Variants in TOMM70 observed in about 807,000 individuals in gnomAD.
TOMM70 encodes translocase of outer mitochondrial membrane 70.
Under a neutral mutation model 73.6 loss-of-function variants are expected in TOMM70, and 13 were observed. The ratio of observed to expected loss-of-function variants is 0.18; its 90% CI spans 0.11 to 0.28. The LOEUF is 0.28. TOMM70 is among the 10% of genes least tolerant of loss of function. The pLI is 1.00. For missense variants in TOMM70, 609 were observed against 747.5 expected (o/e 0.81, Z 2.16); for synonymous variants, 257 against 271.2 (o/e 0.95, Z 0.51).
chr3:100,369,467 T>C (rs1210315785), intron 9 of TOMM70, among the ~76,000 whole-genome samples: 1 of 152,038 alleles, frequency 6.6e-6, no homozygotes, highest in African/African-American at 2.4e-5. Flanking sequence ...ACATCACTTA[T>C]TCATAATTTA....
chr3:100,372,743 C>T (rs1706524825), intron 8 of TOMM70, 21 bp from the exon 9 acceptor site: 3 of 1,581,626 alleles, frequency 1.9e-6, no homozygotes, highest in Non-Finnish European at 2.6e-6. Flanking sequence ...TCAAAACAGG[C>T]CTGTCAAATC....
intron 8 of TOMM70, 59 bp downstream of exon 8, chr3:100,373,479 T>C: frequency 7.3e-7 from 1 of 1,377,524 alleles, no homozygotes; most frequent in Non-Finnish European, 1.0e-6. Context: ...TACTCATTTT[T>C]GTTGACGCTG....
chr3:100,399,931 G>A (rs562921310), intron 1 of TOMM70, among the ~76,000 whole-genome samples: 2 of 152,182 alleles, frequency 1.3e-5, no homozygotes, highest in South Asian at 2.1e-4. Flanking sequence ...GGGCATGGCA[G>A]GAGAGGTTAC....
At position 100,384,464 on chromosome 3, in the gene TOMM70, A is replaced by G. The variant is rs1479877075; in HGVS notation, c.735+15T>C. ...TACACAGTACTCCCCCATTCCCCAA[A>G]TCAGATCAATTTACCTTATATTTTT... On this transcript the variant is annotated intron_variant, in intron 4 of 11. Transcript: ENST00000284320. 1 of 1,576,078 alleles carries G rather than the reference A, an allele frequency of 6.3e-7. No homozygotes were observed. The highest frequency in any genetic ancestry group is 8.7e-7 in the Non-Finnish European group (1 of 1,154,546).
rs1706635893 is a variant in TOMM70, at chr3:100,381,696, A to G, written c.803T>C (p.Ile268Thr). Residue 268 changes from isoleucine to threonine, a missense_variant, in exon 5 of 12, where the codon ATC becomes ACC. Around this residue, in one of 2 missense-constraint regions of TOMM70, gnomAD observed 432 missense variants for 584.1 expected, o/e 0.74. Coordinates refer to ENST00000284320, the MANE Select transcript of TOMM70 (RefSeq NM_014820.5). ...KSYFSSFTDD[I>T]ISQPMLKGEK... ...TCCTTTAAGCATGGGCTGGGAAATG[A>G]TATCATCCGTGAAAGAACTGAAGTA... 1 of 1,612,846 alleles carries G rather than the reference A, an allele frequency of 6.2e-7. No homozygotes were observed. Among genetic ancestry groups the G allele is most frequent in the Admixed American group, 1.7e-5 (1 of 59,912 alleles).
chr3:100,396,240 T>C (rs760228291), intron 1 of TOMM70, among the ~76,000 whole-genome samples: 3 of 152,104 alleles, frequency 2.0e-5, no homozygotes, highest in Non-Finnish European at 4.4e-5. Flanking sequence ...AGATGACCAA[T>C]AACAACAGTT....
intron 11 of TOMM70, among the ~76,000 whole-genome samples, chr3:100,366,273 A>G (rs960450442): frequency 6.6e-6 from 1 of 152,136 alleles, no homozygotes; most frequent in African/African-American, 2.4e-5. Context: ...CCTCACACCT[A>G]CTCAATAAAT....
intron 3 of TOMM70, among the ~76,000 whole-genome samples, chr3:100,385,652 T>C (rs574131737): frequency 5.3e-5 from 8 of 152,322 alleles, no homozygotes; most frequent in African/African-American, 1.7e-4. Context: ...CACAGAATAT[T>C]TATGGCATTT....
intron 1 of TOMM70, among the ~76,000 whole-genome samples, chr3:100,390,152 T>A (rs1706742431): frequency 6.6e-6 from 1 of 152,240 alleles, no homozygotes; most frequent in Non-Finnish European, 1.5e-5. Flanking sequence ...GATAATTACA[T>A]CTTTTTCTTT....
chr3:100,384,597 G>C lies in TOMM70; in HGVS notation c.626-9C>G. ...ACACACAGCAGTGACATCTAGAAAT[G>C]ATGAAAAACACAAGGGTAAATATAA... On this transcript the variant is annotated splice_polypyrimidine_tract_variant and intron_variant, in intron 3 of 11. Transcript: ENST00000284320. 2 of 1,524,690 alleles carry C rather than the reference G, an allele frequency of 1.3e-6. No homozygotes were observed. The highest frequency in any genetic ancestry group is 1.8e-6 in the Non-Finnish European group (2 of 1,131,768). 94.4% of individuals were successfully genotyped at this position (1,524,690 alleles called of 1,614,324 possible).
At chr3:100,383,522 CAA>C (rs61429707) in intron 4 of TOMM70, among the ~76,000 whole-genome samples, 3 of 136,702 alleles carry the variant, frequency 2.2e-5, no homozygotes, top group Admixed American at 7.3e-5. Flanking sequence ...AAAAAACAAA[CAA>C]AAAAAAAAAA....
At chr3:100,397,009 T>A (rs935232298) in intron 1 of TOMM70, among the ~76,000 whole-genome samples, 3 of 152,218 alleles carry the variant, frequency 2.0e-5, no homozygotes, top group African/African-American at 7.2e-5. Context: ...AAATACAGAT[T>A]TTCCATTCTA....
At chr3:100,399,993 G>A (rs987814012) in intron 1 of TOMM70, among the ~76,000 whole-genome samples, 1 of 152,116 alleles carries the variant, frequency 6.6e-6, no homozygotes. Context: ...GAGAGAGGAC[G>A]AGCCTTGGGA....
intron 9 of TOMM70, among the ~76,000 whole-genome samples, chr3:100,370,076 C>A (rs1266939866): frequency 8.1e-6 from 1 of 123,860 alleles, no homozygotes; most frequent in Non-Finnish European, 1.5e-5. Context: ...TAAAATAAGC[C>A]AACTTAAATA....
At position 100,364,734 on chromosome 3, in the gene TOMM70, C is replaced by T. The variant is rs952286492; in HGVS notation, c.*830G>A. The T allele has an allele frequency of 7.2e-5, 11 of 152,076 alleles. No homozygotes were observed. The highest frequency in any genetic ancestry group is 2.4e-4 in the African/African-American group (10 of 41,406). The allele number at this position is 152,076 out of a possible 1,614,324, so 9.4% of individuals were successfully genotyped here. A position where few individuals can be genotyped will look rare whatever the true frequency, so the allele number is the denominator to read the frequency against. On this transcript the variant is annotated 3_prime_UTR_variant, in exon 12 of 12. Coordinates refer to ENST00000284320, the MANE Select transcript of TOMM70 (RefSeq NM_014820.5). ...TATACAGTGCCACTGTACCCTCTATCCTACATTTTTAAAAGCTCACCATTA... is the reference window on the plus strand; with the variant it reads ...TATACAGTGCCACTGTACCCTCTATTCTACATTTTTAAAAGCTCACCATTA...
rs1362152092 is a variant in TOMM70, at chr3:100,368,136, C to T, written c.1581G>A (p.Leu527=). The part of the protein sequence containing the change: ...GLLQLQWKQD[L]DRGLELISKA... ...TGCTGATAAGTTCCAAACCTCTATCCAGATCTTGCTTCCACTGAAGTTGAA... is the reference window on the plus strand; with the variant it reads ...TGCTGATAAGTTCCAAACCTCTATCTAGATCTTGCTTCCACTGAAGTTGAA... Residue 527 remains leucine, a synonymous_variant, in exon 11 of 12, where the codon CTG becomes CTA. Transcript: ENST00000284320. The T allele has an allele frequency of 6.2e-7, 1 of 1,612,702 alleles. No individual in the cohort carries two copies. The highest frequency in any genetic ancestry group is 8.5e-7 in the Non-Finnish European group (1 of 1,179,648).
Position 100,365,412 on chromosome 3 carries a change from C to T in TOMM70, c.*152G>A, listed in dbSNP as rs1347454990. ...CTTCCTTCAACAGCCACACCCACAA[C>T]ACCTAGACATGAAACAGATGTAACA... On this transcript the variant is annotated 3_prime_UTR_variant, in exon 12 of 12. Transcript: ENST00000284320. 3.4e-6 allele frequency: 4 copies of T among 1,181,204 alleles called. No homozygotes were observed. The highest frequency in any genetic ancestry group is 4.7e-6 in the Non-Finnish European group (4 of 850,768). The allele number at this position is 1,181,204 out of a possible 1,614,324, so 73.2% of individuals were successfully genotyped here.
intron 1 of TOMM70, among the ~76,000 whole-genome samples, chr3:100,387,603 C>CAG (rs200741736): frequency 0.016 from 1,928 of 117,574 alleles, 24 homozygotes; most frequent in African/African-American, 0.049. Flanking sequence ...GACACAGACA[C>CAG]ACACACACAC....
At chr3:100,395,294 G>A (rs527518690) in intron 1 of TOMM70, among the ~76,000 whole-genome samples, 17 of 152,108 alleles carry the variant, frequency 1.1e-4, no homozygotes, top group Admixed American at 5.9e-4. Flanking sequence ...GGTTGAACCC[G>A]GGAGGCAGAG....
Sources: allele counts gnomAD v4.1 joint callset (sites outside exome capture counted in the v4.1 genomes callset), GRCh38; gene constraint gnomAD v4.1.1; regional missense constraint gnomAD v4.1.1; transcripts MANE v1.5; gene names NCBI Gene and HGNC (gene_info 2026-07-23, HGNC 2026-07-21).